The following BRIP1 variants were observed in gnomAD, a reference collection of about 807,000 sequenced individuals.
BRIP1 encodes Fanconi anemia group J protein.
BRIP1 carries 88 observed loss-of-function variants against 119.7 expected under a neutral mutation model. The ratio of observed to expected loss-of-function variants is 0.74; its 90% CI spans 0.62 to 0.88. The LOEUF is 0.88. Ranked by LOEUF, BRIP1 falls within the 40% of genes least tolerant of loss-of-function variation. The pLI is 0.00. For synonymous variants in BRIP1, 443 were observed against 496.5 expected (o/e 0.89, Z 1.43); for missense variants, 1,259 against 1,455.4 (o/e 0.87, Z 2.20).
At position 61,768,546 on chromosome 17, in the gene BRIP1, T is replaced by C. The variant is rs139308920; in HGVS notation, c.2097+7855A>G. On this transcript the variant is annotated intron_variant, in intron 14 of 19. Transcript: ENST00000259008. This position sits in a 1 kb window ranked among gnomAD's most constrained non-coding sequence, Gnocchi z 5.0. ...GTGCAGTTGTGATGCCTTTGCTACCTAAATTTCATAAATATCATTTCACTT... is the reference window on the plus strand; with the variant it reads ...GTGCAGTTGTGATGCCTTTGCTACCCAAATTTCATAAATATCATTTCACTT... Among the ~76,000 whole-genome samples the C allele has an allele frequency of 6.6e-6, 1 of 152,310 alleles. No individual in the cohort carries two copies. The highest frequency in any genetic ancestry group is 1.5e-5 in the Non-Finnish European group (1 of 68,032).
rs62921460 is a variant in BRIP1, at chr17:61,721,268, T to A, written c.2380-5205A>T. 4.6e-4 allele frequency among the ~76,000 whole-genome samples: 9 copies of A among 19,560 alleles called. No homozygotes were observed. In the South Asian group the frequency reaches 0.01, roughly 22 times the overall value. 12.8% of individuals were successfully genotyped at this position (19,560 alleles called of 152,430 possible). ...CTTACTGTAAAAATAAAATCTAAGC[T>A]TTTTTTTTTTTTTTTTTTTTAACAC... is the stretch of plus-strand genomic sequence containing the variant. On this transcript the variant is annotated intron_variant, in intron 16 of 19. Coordinates refer to ENST00000259008, the MANE Select transcript of BRIP1 (RefSeq NM_032043.3).
rs1035851693 is a variant in BRIP1 at position 61,809,920 on chromosome 17, C to T, written c.628-1163G>A. Among the ~76,000 whole-genome samples the T allele has an allele frequency of 1.3e-5, 2 of 152,082 alleles. No homozygotes were observed. Among genetic ancestry groups the T allele is most frequent in the Non-Finnish European group, 2.9e-5 (2 of 67,998 alleles). On this transcript the variant is annotated intron_variant, in intron 6 of 19. Coordinates refer to ENST00000259008, the MANE Select transcript of BRIP1 (RefSeq NM_032043.3). This position sits in a 1 kb window ranked among gnomAD's most constrained non-coding sequence, Gnocchi z 5.2. ...ACTGGGGATGAAGCTGTCTTTTAGC[C>T]TCAACTCAGTGGAAAAGCAAGTTCA... is the stretch of plus-strand genomic sequence containing the variant.
intron 16 of BRIP1, among the ~76,000 whole-genome samples, chr17:61,728,726 T>C (rs1243477284): frequency 6.6e-6 from 1 of 152,134 alleles, no homozygotes; most frequent in Admixed American, 6.5e-5. Flanking sequence ...CCTAGGATGA[T>C]AGCAGTTATT....
rs189722844 is a variant in BRIP1 at position 61,756,403 on chromosome 17, T to C, written c.2098-11812A>G. Among the ~76,000 whole-genome samples, 38 of 152,260 alleles carry C rather than the reference T, an allele frequency of 2.5e-4. No individual in the cohort carries two copies. Among genetic ancestry groups the C allele is most frequent in the Middle Eastern group, 3.4e-3 (1 of 294 alleles). ...AAATGTGAGGTATCTTTGTTGAAAA[T>C]ATCCTACTTAATAGCTCATAAAGGG... is the stretch of plus-strand genomic sequence containing the variant. On this transcript the variant is annotated intron_variant, in intron 14 of 19. Coordinates refer to ENST00000259008, the MANE Select transcript of BRIP1 (RefSeq NM_032043.3). The surrounding 1 kb of genome is among the most constrained non-coding windows in gnomAD (Gnocchi z 4.3).
rs957423743 is a variant in BRIP1 at position 61,793,082 on chromosome 17, G to T, written c.1473+515C>A. 2.0e-5 allele frequency among the ~76,000 whole-genome samples: 3 copies of T among 151,716 alleles called. No individual in the cohort carries two copies. The highest frequency in any genetic ancestry group is 2.9e-5 in the Non-Finnish European group (2 of 67,928). On this transcript the variant is annotated intron_variant, in intron 10 of 19. Transcript: ENST00000259008. The surrounding 1 kb of genome is among the most constrained non-coding windows in gnomAD (Gnocchi z 5.2). ...CAAAAAAAGAAAATATATTCTTATC[G>T]GCAAAAAACATTAGAAAATATAATG...
Position 61,684,703 on chromosome 17 carries a change from GT to G in BRIP1, c.2906-564del, listed in dbSNP as rs1447651670. On this transcript the variant is annotated intron_variant, in intron 19 of 19. Coordinates refer to ENST00000259008, the MANE Select transcript of BRIP1 (RefSeq NM_032043.3). This position sits in a 1 kb window ranked among gnomAD's most constrained non-coding sequence, Gnocchi z 4.5. ...TTTTGTAGTATTTATATACAAAATT[GT>G]ATTACTATTTTGTAGTACTTATATA... The G allele has an allele frequency of 1.3e-5, 2 of 152,100 alleles. No individual in the cohort carries two copies. Among genetic ancestry groups the G allele is most frequent in the African/African-American group, 4.8e-5 (2 of 41,392 alleles). The allele number at this position is 152,100 out of a possible 1,614,324, so 9.4% of individuals were successfully genotyped here.
chr17:61,801,877 G>C (rs1306991769), intron 7 of BRIP1, among the ~76,000 whole-genome samples: 1 of 152,134 alleles, frequency 6.6e-6, no homozygotes, highest in Admixed American at 6.5e-5. Context: ...ACAGGAGTGA[G>C]AGATTTTTCT....
At chr17:61,786,619 T>A (rs898070827) in intron 10 of BRIP1, among the ~76,000 whole-genome samples, 2 of 146,566 alleles carry the variant, frequency 1.4e-5, no homozygotes, top group Non-Finnish European at 3.0e-5. Context: ...ATATATATTA[T>A]TTAACAGCTC....
chr17:61,835,064 A>G (rs2078551381), intron 6 of BRIP1, among the ~76,000 whole-genome samples: 1 of 152,258 alleles, frequency 6.6e-6, no homozygotes, highest in South Asian at 2.1e-4. Flanking sequence ...CAGTTTAATT[A>G]AGGATTAATG....
rs375221390 is a variant in BRIP1 at position 61,754,426 on chromosome 17, T to A, written c.2098-9835A>T. Reference sequence around the variant, plus strand: ...TTCTCAGATAGGCCTTCCCAAACCATCCAATTAAATTCTAAATGAGCACCC... The same window carrying A: ...TTCTCAGATAGGCCTTCCCAAACCAACCAATTAAATTCTAAATGAGCACCC... On this transcript the variant is annotated intron_variant, in intron 14 of 19. Transcript: ENST00000259008. The surrounding 1 kb of genome is among the most constrained non-coding windows in gnomAD (Gnocchi z 4.1). Among the ~76,000 whole-genome samples the A allele has an allele frequency of 1.3e-5, 2 of 151,936 alleles. No homozygotes were observed. Among genetic ancestry groups the A allele is most frequent in the South Asian group, 4.1e-4 (2 of 4,820 alleles).
At chr17:61,785,380 A>G (rs2077690131) in intron 10 of BRIP1, among the ~76,000 whole-genome samples, 1 of 152,208 alleles carries the variant, frequency 6.6e-6, no homozygotes, top group Non-Finnish European at 1.5e-5. Context: ...TGTTCCCCAC[A>G]TTGTAAAAGA....
At position 61,720,369 on chromosome 17, in the gene BRIP1, A is replaced by T. The variant is rs1237602830; in HGVS notation, c.2380-4306T>A. ...GTATCAAAACATCACTATGTACCCT[A>T]TGAATATGTACAATAATTATCTGTC... On this transcript the variant is annotated intron_variant, in intron 16 of 19. Transcript: ENST00000259008. This position sits in a 1 kb window ranked among gnomAD's most constrained non-coding sequence, Gnocchi z 4.3. 6.6e-6 allele frequency among the ~76,000 whole-genome samples: 1 copy of T among 152,180 alleles called. No individual in the cohort carries two copies. The highest frequency in any genetic ancestry group is 1.5e-5 in the Non-Finnish European group (1 of 68,030).
rs1000126335 is a variant in BRIP1 at position 61,841,392 on chromosome 17, G to A, written c.627+5709C>T. Among the ~76,000 whole-genome samples the A allele has an allele frequency of 2.0e-5, 3 of 151,772 alleles. No individual in the cohort carries two copies. Among genetic ancestry groups the A allele is most frequent in the African/African-American group, 7.3e-5 (3 of 41,320 alleles). ...AAATCTGATTTTAAAATAGGCAAAG[G>A]GTGTGAATAAACATTTCTCAAAAGA... On this transcript the variant is annotated intron_variant, in intron 6 of 19. Coordinates refer to ENST00000259008, the MANE Select transcript of BRIP1 (RefSeq NM_032043.3). The surrounding 1 kb of genome is among the most constrained non-coding windows in gnomAD (Gnocchi z 4.1).
chr17:61,762,384 C>G lies in BRIP1; in HGVS notation c.2097+14017G>C, dbSNP rs1274382685. Among the ~76,000 whole-genome samples, 1 of 151,818 alleles carries G rather than the reference C, an allele frequency of 6.6e-6. No individual in the cohort carries two copies. Among genetic ancestry groups the G allele is most frequent in the African/African-American group, 2.4e-5 (1 of 41,334 alleles). ...ATCCCAAAAGCACAGGCAACAAAAG[C>G]AAAAATAGGCCAATGCAATTACAAC... On this transcript the variant is annotated intron_variant, in intron 14 of 19. Coordinates refer to ENST00000259008, the MANE Select transcript of BRIP1 (RefSeq NM_032043.3). The surrounding 1 kb of genome is among the most constrained non-coding windows in gnomAD (Gnocchi z 4.3).
chr17:61,765,829 G>GCACGCACACA (rs1555598344), intron 14 of BRIP1, among the ~76,000 whole-genome samples: 2 of 146,428 alleles, frequency 1.4e-5, no homozygotes, highest in African/African-American at 2.5e-5. Flanking sequence ...CTATATTCAT[G>GCACGCACACA]CACACACACA....
intron 10 of BRIP1, among the ~76,000 whole-genome samples, chr17:61,788,133 G>A (rs1603338783): frequency 6.6e-6 from 1 of 151,900 alleles, no homozygotes; most frequent in East Asian, 1.9e-4. Context: ...AATTCAACAA[G>A]GTGGTTAATA....
intron 6 of BRIP1, among the ~76,000 whole-genome samples, chr17:61,833,638 T>C (rs1050742235): frequency 2.1e-5 from 3 of 144,114 alleles, no homozygotes; most frequent in Non-Finnish European, 4.5e-5. Flanking sequence ...ACCACTGCAC[T>C]CCAGCCTGGG....
chr17:61,822,457 T>C lies in BRIP1; in HGVS notation c.628-13700A>G, dbSNP rs916017567. On this transcript the variant is annotated intron_variant, in intron 6 of 19. Coordinates refer to ENST00000259008, the MANE Select transcript of BRIP1 (RefSeq NM_032043.3). This position sits in a 1 kb window ranked among gnomAD's most constrained non-coding sequence, Gnocchi z 4.4. Reference sequence around the variant, plus strand: ...CTAATAGATCCAGTTATGTGCCCTCTGGGAAAAATGCACCAAAAAGCGCCA... The same window carrying C: ...CTAATAGATCCAGTTATGTGCCCTCCGGGAAAAATGCACCAAAAAGCGCCA... Among the ~76,000 whole-genome samples the C allele has an allele frequency of 6.6e-6, 1 of 152,108 alleles. No homozygotes were observed. Among genetic ancestry groups the C allele is most frequent in the African/African-American group, 2.4e-5 (1 of 41,434 alleles).
intron 14 of BRIP1, among the ~76,000 whole-genome samples, chr17:61,747,216 C>G (rs867378480): frequency 6.6e-6 from 1 of 151,400 alleles, no homozygotes; most frequent in South Asian, 2.1e-4. Flanking sequence ...AGCGGTAATG[C>G]CAACATTAAA....
Sources: allele counts gnomAD v4.1 joint callset (sites outside exome capture counted in the v4.1 genomes callset), GRCh38; gene constraint gnomAD v4.1.1; non-coding constraint Gnocchi (gnomAD v3.1); transcripts MANE v1.5; gene names NCBI Gene and HGNC (gene_info 2026-07-23, HGNC 2026-07-21).